The following MON2 variants were observed in gnomAD, a reference collection of about 807,000 sequenced individuals.
MON2 encodes the protein MON2 regulator of endosome-to-Golgi trafficking.
MON2 carries 84 observed loss-of-function variants against 208.6 expected under a neutral mutation model. The ratio of observed to expected loss-of-function variants is 0.40; its 90% CI spans 0.34 to 0.48. The LOEUF is 0.48. MON2 is among the 20% of genes least tolerant of loss of function. The pLI, the probability that MON2 is intolerant of heterozygous loss-of-function variation, is 0.59. For missense variants in MON2, 1,611 were observed against 2,015.4 expected, an observed-to-expected ratio of 0.80 and a Z score of 3.84; for synonymous variants, 660 against 694.0, an observed-to-expected ratio of 0.95 and a Z score of 0.77.
chr12:62,502,006 G>C (rs973636759), intron 7 of MON2, among the ~76,000 whole-genome samples: 4 of 152,140 alleles, frequency 2.6e-5, no homozygotes, highest in Admixed American at 6.5e-5. Context: ...TAGGTCATGA[G>C]ATCAGGAGTT....
At chr12:62,582,754 A>G (rs991878876) in intron 32 of MON2, among the ~76,000 whole-genome samples, 14 of 152,114 alleles carry the variant, frequency 9.2e-5, no homozygotes, top group African/African-American at 3.4e-4. Context: ...TTCCTTAAAC[A>G]TATACATACA....
At chr12:62,579,731 A>C (rs2074934588) in intron 31 of MON2, among the ~76,000 whole-genome samples, 1 of 152,126 alleles carries the variant, frequency 6.6e-6, no homozygotes, top group Non-Finnish European at 1.5e-5. Context: ...ATTTCAAAAT[A>C]AATAAATAAA....
chr12:62,550,870 G>A (rs1414384212), intron 23 of MON2, among the ~76,000 whole-genome samples: 1 of 146,192 alleles, frequency 6.8e-6, no homozygotes, highest in Non-Finnish European at 1.5e-5. Context: ...AAAGTTTGTT[G>A]ATACCATCAA....
Position 62,524,654 on chromosome 12 carries a change from A to C in MON2, c.1109+15A>C. On this transcript the variant is annotated intron_variant, in intron 9 of 34. Transcript: ENST00000393630. ...CAACTATTAAGGTAAAACCTCAGCA[A>C]TAGTTTGTTAAATAGATAGGTTAAT... 1 of 1,609,800 alleles carries C rather than the reference A, an allele frequency of 6.2e-7. No homozygotes were observed. Among genetic ancestry groups the C allele is most frequent in the African/African-American group, 1.3e-5 (1 of 74,910 alleles).
intron 4 of MON2, among the ~76,000 whole-genome samples, chr12:62,497,555 C>T (rs1341175691): frequency 3.3e-5 from 5 of 152,140 alleles, no homozygotes; most frequent in African/African-American, 4.8e-5. Flanking sequence ...TCTAAATTCA[C>T]GTATACTGCT....
At chr12:62,588,669 T>G (rs1049688815) in intron 34 of MON2, among the ~76,000 whole-genome samples, 4 of 152,206 alleles carry the variant, frequency 2.6e-5, no homozygotes, top group Admixed American at 6.5e-5. Flanking sequence ...TATTTCCTCA[T>G]CCTCCCAAAG....
At chr12:62,493,232 A>G (rs1331405780) in intron 2 of MON2, among the ~76,000 whole-genome samples, 1 of 151,676 alleles carries the variant, frequency 6.6e-6, no homozygotes, top group Non-Finnish European at 1.5e-5. Context: ...CAGTTTGTGC[A>G]TTTTCTAACC....
chr12:62,515,704 A>C (rs1274301278), intron 8 of MON2, among the ~76,000 whole-genome samples: 1 of 151,894 alleles, frequency 6.6e-6, no homozygotes, highest in African/African-American at 2.4e-5. Flanking sequence ...AATTCCAACT[A>C]CTTGATAGGC....
chr12:62,502,756 T>C (rs1379597208), intron 7 of MON2, among the ~76,000 whole-genome samples: 2 of 152,198 alleles, frequency 1.3e-5, no homozygotes, highest in Non-Finnish European at 2.9e-5. Context: ...CCTTAGTTAT[T>C]AGGTCTTGAA....
In MON2 at chr12:62,599,469, T is replaced by C. The variant is rs1368726112; in HGVS notation, c.*6720T>C. ...ACAAGAATTTGTACGTTACTCAGTGTGTACTGCAGTCAGATATAGTTAAAA... is the reference window on the plus strand; with the variant it reads ...ACAAGAATTTGTACGTTACTCAGTGCGTACTGCAGTCAGATATAGTTAAAA... On this transcript the variant is annotated 3_prime_UTR_variant, in exon 35 of 35. Transcript: ENST00000393630. The C allele has an allele frequency of 1.3e-5, 2 of 152,242 alleles. No individual in the cohort carries two copies. Among genetic ancestry groups the C allele is most frequent in the East Asian group, 3.8e-4 (2 of 5,204 alleles). 9.4% of individuals were successfully genotyped at this position (152,242 alleles called of 1,614,324 possible).
chr12:62,570,861 A>G (rs1411194308), intron 29 of MON2, among the ~76,000 whole-genome samples: 1 of 148,020 alleles, frequency 6.8e-6, no homozygotes, highest in East Asian at 2.0e-4. Context: ...CCTCCTGAGT[A>G]GCTGGGACTA....
rs768634860 is a variant in MON2 at position 62,500,869 on chromosome 12, A to G, written c.652A>G (p.Met218Val). The G allele has an allele frequency of 6.4e-7, 1 of 1,552,582 alleles. No individual in the cohort carries two copies. The highest frequency in any genetic ancestry group is 2.3e-5 in the East Asian group (1 of 43,202). The stretch of plus-strand genomic sequence containing the variant: ...CAAACCTTGTGCTAAAGATGCATAT[A>G]TGCTTTTCCAGGTATTTTAGTTGAT... The part of the protein sequence containing the change: ...TLKPCAKDAY[M>V]LFQDLCQLVN... The change falls in exon 6 of 35, where the codon ATG becomes GTG. Residue 218 changes from methionine to valine, a missense_variant. By Grantham distance (21) the Met-to-Val change is conservative. Coordinates refer to ENST00000393630, the MANE Select transcript of MON2 (RefSeq NM_015026.3).
intron 32 of MON2, among the ~76,000 whole-genome samples, 184 bp from the exon 33 acceptor site, chr12:62,585,097 ACACACACACACAC>A (rs1565714562): frequency 0.018 from 1,920 of 107,520 alleles, 132 homozygotes; most frequent in African/African-American, 0.064. Flanking sequence ...ACACACACAC[ACACACACACACAC>A]AAAACAAAAA....
At position 62,503,705 on chromosome 12, in the gene MON2, CCTT is replaced by C. The variant is rs1354374360; in HGVS notation, c.789+2011_789+2013del. Among the ~76,000 whole-genome samples the C allele has an allele frequency of 2.0e-5, 3 of 152,274 alleles. No individual in the cohort carries two copies. In the East Asian group the frequency reaches 5.8e-4, roughly 29 times the overall value. On this transcript the variant is annotated intron_variant, in intron 7 of 34. Transcript: ENST00000393630. The stretch of plus-strand genomic sequence containing the variant: ...TGCCCTCACCCTTTGGCCACACTGT[CCTT>C]CTTGTTGTTTGTGAAGTGCCTCAAG...
chr12:62,584,031 A>G (rs968445979), intron 32 of MON2, among the ~76,000 whole-genome samples: 1 of 151,860 alleles, frequency 6.6e-6, no homozygotes, highest in African/African-American at 2.4e-5. Context: ...GCTAAAAGAC[A>G]TTGAAGCAGT....
At position 62,592,835 on chromosome 12, in the gene MON2, C is replaced by T. The variant is rs2136524005; in HGVS notation, c.*86C>T. On this transcript the variant is annotated 3_prime_UTR_variant, in exon 35 of 35. Transcript: ENST00000393630. ...TCTTCTGTGAGAAGGACATTTCTTA[C>T]TGCAGATAATTCTTGGCAGCTGTTG... 7.5e-7 allele frequency: 1 copy of T among 1,335,108 alleles called. No homozygotes were observed. Among genetic ancestry groups the T allele is most frequent in the Non-Finnish European group, 1.0e-6 (1 of 987,558 alleles). The allele number at this position is 1,335,108 out of a possible 1,614,324, so 82.7% of individuals were successfully genotyped here. A position where few individuals can be genotyped will look rare whatever the true frequency, so the allele number is the denominator to read the frequency against.
At position 62,560,667 on chromosome 12, in the gene MON2, C is replaced by T. The variant is rs779776722; in HGVS notation, c.3586C>T (p.Pro1196Ser). The change falls in exon 26 of 35, where the codon CCT (proline) becomes TCT (serine). Residue 1196 changes from proline to serine, a missense_variant. Physicochemically the swap from Pro to Ser is moderately conservative, Grantham distance 74. Transcript: ENST00000393630. Reference sequence around the variant, plus strand: ...ACCACCTGTAGTTAATGTACCTGTGCCTGTTCTTATAGGGCCCATATCAGG... The same window carrying T: ...ACCACCTGTAGTTAATGTACCTGTGTCTGTTCTTATAGGGCCCATATCAGG... Reference protein sequence around the residue: ...ETPPVVNVPVPVLIGPISGMS... With the variant: ...ETPPVVNVPVSVLIGPISGMS... The T allele has an allele frequency of 3.1e-5, 50 of 1,613,922 alleles. 1 individual carries two copies. Among genetic ancestry groups the T allele is most frequent in the Middle Eastern group, 1.6e-4 (1 of 6,084 alleles).
At chr12:62,489,834 T>G (rs1464039367) in intron 2 of MON2, among the ~76,000 whole-genome samples, 2 of 152,104 alleles carry the variant, frequency 1.3e-5, no homozygotes, top group Non-Finnish European at 2.9e-5. Flanking sequence ...AAATACCTTT[T>G]AATGTTGTTA....
At chr12:62,537,436 A>G (rs1313496207) in intron 15 of MON2, among the ~76,000 whole-genome samples, 166 bp from the exon 16 acceptor site, 3 of 152,234 alleles carry the variant, frequency 2.0e-5, no homozygotes, top group African/African-American at 7.2e-5. Flanking sequence ...AACCAATATG[A>G]TAATACAACT....
Sources: gnomAD v4.1 joint callset for allele counts (sites outside exome capture counted in the v4.1 genomes callset) on GRCh38, gnomAD v4.1.1 for gene constraint, MANE v1.5 for transcripts, NCBI Gene and HGNC (gene_info 2026-07-23, HGNC 2026-07-21) for gene names.